The following BLVRA variants were observed in gnomAD, a reference collection of about 807,000 sequenced individuals.
BLVRA encodes the protein BVR A.
In BLVRA, 22 loss-of-function variants were observed where a neutral mutation model predicts 32.8. That is an observed-to-expected ratio of 0.67 (90% CI 0.48 to 0.96). The LOEUF is 0.96. Among genes scored for constraint, BLVRA ranks in the 40% least tolerant of loss-of-function variants. The pLI, the probability that BLVRA is intolerant of heterozygous loss-of-function variation, is 0.00. For synonymous variants in BLVRA, 119 were observed against 141.3 expected, an observed-to-expected ratio of 0.84 and a Z score of 1.12; for missense variants, 323 against 358.1, an observed-to-expected ratio of 0.90 and a Z score of 0.79.
chr7:43,792,563 T>C (rs2095787295), intron 4 of BLVRA, 152 bp from the exon 5 acceptor site: 1 of 720,752 alleles, frequency 1.4e-6, no homozygotes, highest in Admixed American at 2.0e-5. Flanking sequence ...TCTTCCTCCA[T>C]ATCCCGTGGC....
At chr7:43,764,609 C>A (rs938026446) in intron 1 of BLVRA, among the ~76,000 whole-genome samples, 4 of 151,704 alleles carry the variant, frequency 2.6e-5, no homozygotes, top group Non-Finnish European at 4.4e-5. Context: ...TGGCAGAGTA[C>A]CAAGGAAAAG....
In BLVRA at chr7:43,767,495, G is replaced by A. The variant is rs898624243; in HGVS notation, c.-21-3643G>A. The A allele has an allele frequency of 7.3e-5, 94 of 1,281,298 alleles. No homozygotes were observed. The Middle Eastern group carries it at 7.8e-4, about 11-fold the overall frequency. The allele number at this position is 1,281,298 out of a possible 1,614,324, so 79.4% of individuals were successfully genotyped here. A position where few individuals can be genotyped will look rare whatever the true frequency, so the allele number is the denominator to read the frequency against. ...ATCCAATAAGGACAGCTGTTTTTATGCTGCTATTGTTGCCGTGGTCACCGG... is the reference window on the plus strand; with the variant it reads ...ATCCAATAAGGACAGCTGTTTTTATACTGCTATTGTTGCCGTGGTCACCGG... On this transcript the variant is annotated intron_variant, in intron 1 of 7. Coordinates refer to ENST00000265523, the MANE Select transcript of BLVRA (RefSeq NM_000712.4).
At chr7:43,763,468 A>G (rs1299305305) in intron 1 of BLVRA, among the ~76,000 whole-genome samples, 2 of 152,182 alleles carry the variant, frequency 1.3e-5, no homozygotes, top group Non-Finnish European at 2.9e-5. Flanking sequence ...AAGGGATCCA[A>G]TGTCTTTCTG....
At chr7:43,791,155 C>G in intron 3 of BLVRA, 94 bp from the exon 4 acceptor site, 1 of 1,580,032 alleles carries the variant, frequency 6.3e-7, no homozygotes, top group Non-Finnish European at 8.6e-7. Context: ...TTTCTGGCAG[C>G]AGATCACCAG....
chr7:43,789,121 C>T (rs879788961), intron 3 of BLVRA, among the ~76,000 whole-genome samples: 1 of 152,148 alleles, frequency 6.6e-6, no homozygotes, highest in Non-Finnish European at 1.5e-5. Flanking sequence ...TAGATACAGG[C>T]ACCAGACTAA....
intron 7 of BLVRA, among the ~76,000 whole-genome samples, chr7:43,804,820 G>A (rs188006182): frequency 6.6e-6 from 1 of 152,294 alleles, no homozygotes; most frequent in African/African-American, 2.4e-5. Context: ...AGTGTTTCTG[G>A]ATGCCTTTGC....
At chr7:43,792,597 A>G in intron 4 of BLVRA, 118 bp from the exon 5 acceptor site, 3 of 963,960 alleles carry the variant, frequency 3.1e-6, no homozygotes, top group Non-Finnish European at 3.2e-6. Flanking sequence ...CCCAGTCATG[A>G]CACATTCACA....
Position 43,807,069 on chromosome 7 carries a change from C to G in BLVRA, c.725C>G (p.Pro242Arg), listed in dbSNP as rs2095804750. ...HFKSGSLENV[P>R]NVGVNKNIFL... ...AAGTCTGGGTCCTTGGAGAATGTGC[C>G]AAATGTAGGAGTGAATAAGAACATA... The change falls in exon 8 of 8, where the codon CCA (proline) becomes CGA (arginine). Residue 242 changes from proline (P) to arginine (R), a missense_variant. Physicochemically the swap from Pro to Arg is moderately radical, Grantham distance 103 (BLOSUM62 -2). Coordinates refer to ENST00000265523, the MANE Select transcript of BLVRA (RefSeq NM_000712.4). 2 of 1,614,078 alleles carry G rather than the reference C, an allele frequency of 1.2e-6. No homozygotes were observed. Among genetic ancestry groups the G allele is most frequent in the Non-Finnish European group, 8.5e-7 (1 of 1,180,004 alleles).
chr7:43,772,906 A>C (rs1047477058), intron 2 of BLVRA, among the ~76,000 whole-genome samples: 3 of 152,278 alleles, frequency 2.0e-5, no homozygotes, highest in Non-Finnish European at 4.4e-5. Flanking sequence ...GGGGACACAA[A>C]GTATAACCAT....
At chr7:43,758,882 C>A (rs1197760193) in intron 1 of BLVRA, 148 bp downstream of exon 1, 1 of 151,790 alleles carries the variant, frequency 6.6e-6, no homozygotes, top group Non-Finnish European at 1.5e-5. Flanking sequence ...AGCCTGGGCG[C>A]CGCCTGCCCC....
intron 2 of BLVRA, among the ~76,000 whole-genome samples, chr7:43,778,438 G>A (rs532251126): frequency 2.6e-5 from 4 of 152,300 alleles, no homozygotes; most frequent in East Asian, 1.9e-4. Flanking sequence ...TATCAGCAGC[G>A]GTGGCTGCAG....
intron 2 of BLVRA, among the ~76,000 whole-genome samples, chr7:43,774,745 A>G (rs923968805): frequency 2.6e-5 from 4 of 152,118 alleles, no homozygotes; most frequent in Non-Finnish European, 4.4e-5. Flanking sequence ...GGCCATTTTC[A>G]CGATATTGAT....
chr7:43,766,733 A>C (rs555893514), intron 1 of BLVRA, among the ~76,000 whole-genome samples: 1 of 152,252 alleles, frequency 6.6e-6, no homozygotes, highest in South Asian at 2.1e-4. Flanking sequence ...ACAGCACAGA[A>C]AGGATCTGTC....
In BLVRA at chr7:43,768,527, A is replaced by G. The variant is rs530230453; in HGVS notation, c.-21-2611A>G. Among the ~76,000 whole-genome samples, 6 of 152,156 alleles carry G rather than the reference A, an allele frequency of 3.9e-5. No individual in the cohort carries two copies. The South Asian group carries it at 1.0e-3, about 26-fold the overall frequency. ...CCAGGCACTTCGTCTGTAAAATGGAATTAATACTAGCTTTTTTTTTTGCCA... is the reference window on the plus strand; with the variant it reads ...CCAGGCACTTCGTCTGTAAAATGGAGTTAATACTAGCTTTTTTTTTTGCCA... On this transcript the variant is annotated intron_variant, in intron 1 of 7. Transcript: ENST00000265523.
At chr7:43,794,896 G>C (rs1427534652) in intron 5 of BLVRA, among the ~76,000 whole-genome samples, 1 of 152,156 alleles carries the variant, frequency 6.6e-6, no homozygotes, top group African/African-American at 2.4e-5. Context: ...ATGTGATTGA[G>C]TTAAGTTGTT....
intron 1 of BLVRA, among the ~76,000 whole-genome samples, chr7:43,767,091 C>T (rs998151262): frequency 6.6e-6 from 1 of 152,200 alleles, no homozygotes; most frequent in African/African-American, 2.4e-5. Context: ...GCTTCTTTCT[C>T]GTGCATATGC....
intron 2 of BLVRA, among the ~76,000 whole-genome samples, chr7:43,784,620 T>TC (rs1453132872): frequency 1.6e-5 from 2 of 124,762 alleles, no homozygotes; most frequent in African/African-American, 5.7e-5. Context: ...TTTTTTTTTT[T>TC]TGAGATGGAG....
intron 1 of BLVRA, among the ~76,000 whole-genome samples, chr7:43,765,004 A>G (rs1405100838): frequency 6.6e-6 from 1 of 152,132 alleles, no homozygotes; most frequent in East Asian, 1.9e-4. Context: ...GAGATAGCTC[A>G]TCTGTGTGCA....
intron 2 of BLVRA, 110 bp downstream of exon 2, chr7:43,771,280 A>G: frequency 7.6e-7 from 1 of 1,309,424 alleles, no homozygotes; most frequent in South Asian, 1.2e-5. Context: ...AAACTTGAGA[A>G]CATTTCCCCT....
Sources: allele counts gnomAD v4.1 joint callset (sites outside exome capture counted in the v4.1 genomes callset), GRCh38; gene constraint gnomAD v4.1.1; transcripts MANE v1.5; gene names NCBI Gene and HGNC (gene_info 2026-07-23, HGNC 2026-07-21).